DOCK11: variants seen among roughly 807,000 people sequenced by gnomAD.
DOCK11 encodes dedicator of cytokinesis 11.
Under a neutral mutation model 169.1 loss-of-function variants are expected in DOCK11, and 70 were observed. That is an observed-to-expected ratio of 0.41 (90% CI 0.34 to 0.51). The LOEUF is 0.51. Ranked by LOEUF, DOCK11 falls within the 20% of genes least tolerant of loss-of-function variation. The probability of loss-of-function intolerance (pLI) is 0.10; values close to 1 mark genes in which losing one functional copy is unlikely to be tolerated. For missense variants in DOCK11, 1,166 were observed against 1,538.8 expected, an observed-to-expected ratio of 0.76 and a Z score of 4.05; for synonymous variants, 529 against 541.3, an observed-to-expected ratio of 0.98 and a Z score of 0.32.
At chrX:118,649,170 A>G (rs1263885617) in intron 41 of DOCK11, 43 bp downstream of exon 41, 4 of 1,071,714 alleles carry the variant, frequency 3.7e-6, no homozygotes, top group South Asian at 2.4e-5. Context: ...CTTCTCTTCA[A>G]TCTTTAACCT....
At chrX:118,597,617 G>C (rs1256426518) in intron 21 of DOCK11, 65 bp downstream of exon 21, 1 of 1,171,619 alleles carries the variant, frequency 8.5e-7, no homozygotes, top group Admixed American at 2.2e-5. Flanking sequence ...AATTCTGTTG[G>C]TCTCGATTGT....
At chrX:118,675,587 G>A (rs1353754701) in intron 46 of DOCK11, among the ~76,000 whole-genome samples, 1 of 109,555 alleles carries the variant, frequency 9.1e-6, no homozygotes, top group African/African-American at 3.3e-5. Flanking sequence ...TGGGGTGGGG[G>A]GTGAGGGGAG....
At chrX:118,600,146 G>A (rs919202666) in intron 23 of DOCK11, among the ~76,000 whole-genome samples, 14 of 111,282 alleles carry the variant, frequency 1.3e-4, no homozygotes, top group African/African-American at 4.3e-4. Flanking sequence ...GGTGCTTCAC[G>A]CCTATAATCC....
In DOCK11 at chrX:118,671,025, G is replaced by A. The variant is rs1316385527; in HGVS notation, c.5079G>A (p.Glu1693=). The change falls in exon 46 of 53, where the codon GAG becomes GAA. Residue 1693 remains glutamate (E), a splice_region_variant and synonymous_variant. Coordinates refer to ENST00000276202, the MANE Select transcript of DOCK11 (RefSeq NM_144658.4). The part of the protein sequence containing the change: ...AGMMDVHYSE[E]VLLELLEQCV... ...ATTGGATTTTTCTCTTAATGCAGGA[G>A]GTCTTGCTGGAGTTGCTAGAACAAT... is the stretch of plus-strand genomic sequence containing the variant. The A allele has an allele frequency of 8.5e-7, 1 of 1,178,133 alleles. No homozygotes were observed. The highest frequency in any genetic ancestry group is 1.7e-5 in the African/African-American group (1 of 57,250).
rs778487622 is a variant in DOCK11 at position 118,541,862 on chromosome X, G to T, written c.103-863G>T. 3.7e-4 allele frequency among the ~76,000 whole-genome samples: 41 copies of T among 111,664 alleles called. 1 individual carries two copies. The highest frequency in any genetic ancestry group is 2.6e-3 in the Admixed American group (27 of 10,521). ...AATGGCCAGCTCGCCTAGAAGTCCA[G>T]CAGGGATCCACTGACTTTGTCACCT... On this transcript the variant is annotated intron_variant, in intron 1 of 52. Coordinates refer to ENST00000276202, the MANE Select transcript of DOCK11 (RefSeq NM_144658.4).
chrX:118,660,718 C>T (rs2016193453), intron 44 of DOCK11, among the ~76,000 whole-genome samples: 1 of 110,112 alleles, frequency 9.1e-6, no homozygotes, highest in Non-Finnish European at 1.9e-5. Context: ...GATCTGCCTG[C>T]CTCGGCCTCC....
chrX:118,546,315 T>A (rs1223540358), intron 6 of DOCK11, among the ~76,000 whole-genome samples, 199 bp downstream of exon 6: 1 of 108,019 alleles, frequency 9.3e-6, no homozygotes, highest in African/African-American at 3.4e-5. Context: ...TAAAGACATA[T>A]AATGTAATGA....
rs761267509 is a variant in DOCK11 at position 118,543,689 on chromosome X, G to A, written c.392+96G>A. 79 of 659,305 alleles carry A rather than the reference G, an allele frequency of 1.2e-4. No individual in the cohort carries two copies. The African/African-American group carries it at 1.4e-3, about 11-fold the overall frequency. 54.3% of individuals were successfully genotyped at this position (659,305 alleles called of 1,213,427 possible). A position where few individuals can be genotyped will look rare whatever the true frequency, so the allele number is the denominator to read the frequency against. ...TGTGAGGCCGGGTGCAGTGGCTCAC[G>A]CCTGTAATCCCAGCACTTTGGGAGG... On this transcript the variant is annotated intron_variant, in intron 4 of 52. Transcript: ENST00000276202.
At chrX:118,603,779 A>C (rs1293856835) in intron 23 of DOCK11, among the ~76,000 whole-genome samples, 1 of 111,929 alleles carries the variant, frequency 8.9e-6, no homozygotes, top group Non-Finnish European at 1.9e-5. Flanking sequence ...GTTTCACTGA[A>C]GTGGGGATTT....
chrX:118,555,120 AGGGT>A (rs945213446), intron 6 of DOCK11, among the ~76,000 whole-genome samples: 1 of 112,005 alleles, frequency 8.9e-6, no homozygotes, highest in Non-Finnish European at 1.9e-5. Flanking sequence ...TGTAATGAGA[AGGGT>A]GGATTGTAGA....
chrX:118,621,021 A>T (rs1208576946), intron 31 of DOCK11, among the ~76,000 whole-genome samples: 2 of 112,756 alleles, frequency 1.8e-5, no homozygotes. Flanking sequence ...CTTACTTTTT[A>T]AATTCTTAGA....
Position 118,609,089 on chromosome X carries a change from G to A in DOCK11, c.2878-189G>A, listed in dbSNP as rs751838922. On this transcript the variant is annotated intron_variant, in intron 26 of 52. Transcript: ENST00000276202. Reference sequence around the variant, plus strand: ...CCCATCCTTCCTTTATATATTACCAGTCAACCCTGAAGTACAATAGTACCT... The same window carrying A: ...CCCATCCTTCCTTTATATATTACCAATCAACCCTGAAGTACAATAGTACCT... Among the ~76,000 whole-genome samples the A allele has an allele frequency of 3.6e-5, 4 of 112,266 alleles. No homozygotes were observed. The East Asian group carries it at 1.1e-3, about 31-fold the overall frequency.
At chrX:118,676,513 G>C (rs2016611852) in intron 47 of DOCK11, 78 bp from the exon 48 acceptor site, 1 of 546,287 alleles carries the variant, frequency 1.8e-6, no homozygotes, top group Admixed American at 5.0e-5. Flanking sequence ...ATTATTACTA[G>C]TTATTTAGTA....
At chrX:118,619,793 C>A (rs1002477336) in intron 31 of DOCK11, among the ~76,000 whole-genome samples, 18 of 107,848 alleles carry the variant, frequency 1.7e-4, no homozygotes, top group African/African-American at 6.1e-4. Flanking sequence ...GCTACAGTTT[C>A]TATTTACTGC....
chrX:118,655,768 A>G (rs940625400), intron 44 of DOCK11, among the ~76,000 whole-genome samples: 8 of 112,365 alleles, frequency 7.1e-5, no homozygotes, highest in Admixed American at 5.7e-4. Flanking sequence ...CTCTATCTCA[A>G]TGTCCAAGCT....
chrX:118,659,520 C>T (rs73228284), intron 44 of DOCK11, among the ~76,000 whole-genome samples: 124 of 112,035 alleles, frequency 1.1e-3, no homozygotes, highest in Non-Finnish European at 2.0e-3. Flanking sequence ...TTTCTCCAAG[C>T]ATTTTAAAGA....
At chrX:118,610,824 A>C (rs1415515673) in intron 28 of DOCK11, among the ~76,000 whole-genome samples, 5 of 111,529 alleles carry the variant, frequency 4.5e-5, no homozygotes, top group Non-Finnish European at 7.5e-5. Context: ...GGATCACATG[A>C]GGTCAGGAGT....
At chrX:118,593,605 A>G (rs1253153698) in intron 20 of DOCK11, among the ~76,000 whole-genome samples, 1 of 111,736 alleles carries the variant, frequency 8.9e-6, no homozygotes, top group Non-Finnish European at 1.9e-5. Flanking sequence ...GAGAAAAATG[A>G]GGAAGAAGCA....
rs770317884 is a variant in DOCK11, at chrX:118,524,292, G to A, written c.103-18433G>A. On this transcript the variant is annotated intron_variant, in intron 1 of 52. Coordinates refer to ENST00000276202, the MANE Select transcript of DOCK11 (RefSeq NM_144658.4). ...GAAGGGTAAAAAGGAGGTATTAGGCGTACCTTCTCCATCCATATTTCAGGC... is the reference window on the plus strand; with the variant it reads ...GAAGGGTAAAAAGGAGGTATTAGGCATACCTTCTCCATCCATATTTCAGGC... Among the ~76,000 whole-genome samples the A allele has an allele frequency of 4.5e-5, 5 of 111,725 alleles. No individual in the cohort carries two copies. In the East Asian group the frequency reaches 8.4e-4, roughly 19 times the overall value.
Sources: gnomAD v4.1 joint callset for allele counts (sites outside exome capture counted in the v4.1 genomes callset) on GRCh38, gnomAD v4.1.1 for gene constraint, MANE v1.5 for transcripts, NCBI Gene and HGNC (gene_info 2026-07-23, HGNC 2026-07-21) for gene names.